RANBP2: variants seen among roughly 807,000 people sequenced by gnomAD.
RANBP2 encodes the protein RAN binding protein 2.
RANBP2 carries 57 observed loss-of-function variants against 303.6 expected under a neutral mutation model. The ratio of observed to expected loss-of-function variants is 0.19; its 90% CI spans 0.15 to 0.23. RANBP2 has a LOEUF of 0.23. Among genes scored for constraint, RANBP2 ranks in the 10% least tolerant of loss-of-function variants. The probability of loss-of-function intolerance (pLI) is 1.00; values close to 1 mark genes in which losing one functional copy is unlikely to be tolerated. For missense variants in RANBP2, 3,138 were observed against 3,780.8 expected (o/e 0.83, Z 4.46); for synonymous variants, 1,167 against 1,301.5 (o/e 0.90, Z 2.23).
rs1573821309 is a variant in RANBP2 at position 108,767,843 on chromosome 2, T to G, written c.7304T>G (p.Ile2435Ser). Residue 2435 changes from isoleucine to serine, a missense_variant, in exon 20 of 29, where the codon ATT becomes AGT. By Grantham distance (142) the Ile-to-Ser change is moderately radical. This residue lies in a region of RANBP2 where 92 missense variants were observed against 211.0 expected (regional missense o/e 0.44). Coordinates refer to ENST00000283195, the MANE Select transcript of RANBP2 (RefSeq NM_006267.5). ...GATGTTGCAGACTCGTTTAAGAAAA[T>G]TTTTGATGAAGCAAAAACAGCCCAG... ...LQDVADSFKK[I>S]FDEAKTAQEK... 4 of 1,610,068 alleles carry G rather than the reference T, an allele frequency of 2.5e-6. No individual in the cohort carries two copies.
At chr2:109,089,012 G>T in the RANBP2 span, among the ~76,000 whole-genome samples, 13 of 152,138 alleles carry the variant, frequency 8.5e-5, no homozygotes, top group Admixed American at 8.5e-4. Flanking sequence ...AGCAAGAGGG[G>T]CTTTGGGAGA....
the RANBP2 span, among the ~76,000 whole-genome samples, chr2:109,158,804 C>G: frequency 1.3e-5 from 2 of 152,326 alleles, no homozygotes; most frequent in South Asian, 4.2e-4. Flanking sequence ...AGTGTGCACT[C>G]TGGACCAGCC....
At chr2:109,430,346 G>A in the RANBP2 span, among the ~76,000 whole-genome samples, 4 of 152,222 alleles carry the variant, frequency 2.6e-5, no homozygotes, top group Admixed American at 6.5e-5. Context: ...GTGCGTCATT[G>A]TTACTGATTC....
At chr2:109,139,141 C>T in the RANBP2 span, among the ~76,000 whole-genome samples, 1 of 152,302 alleles carries the variant, frequency 6.6e-6, no homozygotes, top group Non-Finnish European at 1.5e-5. Context: ...TCTTTATAAT[C>T]ATATCCCAAA....
At chr2:108,774,168 G>A (rs568839572) in intron 23 of RANBP2, among the ~76,000 whole-genome samples, 7 of 152,250 alleles carry the variant, frequency 4.6e-5, no homozygotes, top group East Asian at 1.9e-4. Flanking sequence ...GCATTCCAGC[G>A]TAAACCTCAC....
the RANBP2 span, among the ~76,000 whole-genome samples, chr2:108,980,440 TACTC>T: frequency 6.6e-6 from 1 of 152,150 alleles, no homozygotes; most frequent in Admixed American, 6.5e-5. Context: ...TAATACTTAT[TACTC>T]ACCAAGTTCT....
the RANBP2 span, among the ~76,000 whole-genome samples, chr2:109,003,824 C>T: frequency 6.6e-6 from 1 of 152,194 alleles, no homozygotes; most frequent in East Asian, 1.9e-4. Context: ...GGGACATCGG[C>T]AGGCAGCTCT....
the RANBP2 span, chr2:108,930,348 G>A: frequency 7.7e-7 from 1 of 1,295,920 alleles, no homozygotes; most frequent in South Asian, 1.2e-5. Context: ...TGCGGTGGGG[G>A]CTCTGCTGGG....
the RANBP2 span, among the ~76,000 whole-genome samples, chr2:109,385,646 C>G: frequency 6.6e-6 from 1 of 152,208 alleles, no homozygotes; most frequent in Non-Finnish European, 1.5e-5. Context: ...CTGAGGTCAG[C>G]TGCTTGAGCA....
the RANBP2 span, among the ~76,000 whole-genome samples, chr2:109,547,167 C>A: frequency 4.6e-5 from 7 of 152,206 alleles, no homozygotes; most frequent in Non-Finnish European, 1.0e-4. Flanking sequence ...TACTGACTAG[C>A]CTTCATCTGC....
chr2:109,284,276 T>A, the RANBP2 span, among the ~76,000 whole-genome samples: 2 of 152,254 alleles, frequency 1.3e-5, no homozygotes, highest in South Asian at 4.1e-4. Context: ...TTGAGCATCT[T>A]CACTGTATTA....
At chr2:108,977,697 T>C in the RANBP2 span, among the ~76,000 whole-genome samples, 3 of 152,142 alleles carry the variant, frequency 2.0e-5, no homozygotes, top group Non-Finnish European at 4.4e-5. Flanking sequence ...TTGTTTCAAA[T>C]GCTGACAAAG....
chr2:109,486,423 A>G, the RANBP2 span, among the ~76,000 whole-genome samples: 2 of 152,168 alleles, frequency 1.3e-5, no homozygotes, highest in Non-Finnish European at 2.9e-5. Flanking sequence ...TAGGAATCTC[A>G]TTTTATTTAT....
the RANBP2 span, among the ~76,000 whole-genome samples, chr2:109,305,757 C>T: frequency 1.3e-5 from 2 of 152,214 alleles, no homozygotes; most frequent in Non-Finnish European, 2.9e-5. Flanking sequence ...GTGTTCTCTG[C>T]GGTTCCCTGA....
Position 108,764,219 on chromosome 2 carries a change from C to T in RANBP2, c.3680C>T (p.Ser1227Phe). 4 of 1,614,044 alleles carry T rather than the reference C, an allele frequency of 2.5e-6. No homozygotes were observed. The highest frequency in any genetic ancestry group is 2.2e-5 in the South Asian group (2 of 91,086). The change falls in exon 20 of 29, where the codon TCT (serine) becomes TTT (phenylalanine). Residue 1227 changes from serine to phenylalanine, a missense_variant. Coordinates refer to ENST00000283195, the MANE Select transcript of RANBP2 (RefSeq NM_006267.5). ...GNVKILRHKT[S>F]GKIRLLMRRE... ...GTAAAAATACTGAGGCATAAAACATCTGGTAAAATTCGCCTTCTAATGAGA... is the reference window on the plus strand; with the variant it reads ...GTAAAAATACTGAGGCATAAAACATTTGGTAAAATTCGCCTTCTAATGAGA...
chr2:109,555,812 G>A, the RANBP2 span, among the ~76,000 whole-genome samples: 4 of 152,148 alleles, frequency 2.6e-5, no homozygotes, highest in Non-Finnish European at 2.9e-5. Flanking sequence ...GAAGCAGGAC[G>A]CTCTCTTCTT....
At chr2:109,163,550 C>T in the RANBP2 span, among the ~76,000 whole-genome samples, 1 of 150,956 alleles carries the variant, frequency 6.6e-6, no homozygotes, top group Non-Finnish European at 1.5e-5. Context: ...AGGCGCCCGC[C>T]ACTACGCCCG....
At chr2:108,935,222 GA>G in the RANBP2 span, among the ~76,000 whole-genome samples, 1 of 152,102 alleles carries the variant, frequency 6.6e-6, no homozygotes, top group African/African-American at 2.4e-5. Flanking sequence ...TTCCCATCTA[GA>G]ATGATGACAC....
chr2:108,967,904 G>C, the RANBP2 span, among the ~76,000 whole-genome samples: 6 of 152,168 alleles, frequency 3.9e-5, no homozygotes, highest in Non-Finnish European at 8.8e-5. Flanking sequence ...CTCAAGATTA[G>C]TGAGTCTAAG....
Sources: allele counts gnomAD v4.1 joint callset (sites outside exome capture counted in the v4.1 genomes callset), GRCh38; gene constraint gnomAD v4.1.1; regional missense constraint gnomAD v4.1.1; transcripts MANE v1.5; gene names NCBI Gene and HGNC (gene_info 2026-07-23, HGNC 2026-07-21).